PPARA: variants seen among roughly 807,000 people sequenced by gnomAD.
The protein encoded by PPARA is peroxisome proliferator-activated receptor alpha.
In PPARA, 22 loss-of-function variants were observed where a neutral mutation model predicts 42.2. The ratio of observed to expected loss-of-function variants is 0.52; its 90% CI spans 0.37 to 0.74. The LOEUF (loss-of-function observed/expected upper bound fraction) is 0.74. PPARA is among the 30% of genes least tolerant of loss of function. The pLI is 0.00. For synonymous variants in PPARA, 242 were observed against 239.3 expected (o/e 1.01, Z -0.10); for missense variants, 465 against 608.2 (o/e 0.76, Z 2.48).
Position 46,239,012 on chromosome 22 carries a change from G to T in PPARA, c.*3632G>T. 6.6e-6 allele frequency: 1 copy of T among 152,248 alleles called. No individual in the cohort carries two copies. The allele number at this position is 152,248 out of a possible 1,614,324, so 9.4% of individuals were successfully genotyped here. A position where few individuals can be genotyped will look rare whatever the true frequency, so the allele number is the denominator to read the frequency against. On this transcript the variant is annotated 3_prime_UTR_variant, in exon 9 of 9. Transcript: ENST00000407236. ...GAAGAGTATAAAGCATCTTCCTAAC[G>T]GGTGTGTTTGCTATACGAACATAAT...
At chr22:46,198,959 G>A (rs1029371035) in intron 4 of PPARA, among the ~76,000 whole-genome samples, 1 of 152,092 alleles carries the variant, frequency 6.6e-6, no homozygotes, top group Non-Finnish European at 1.5e-5. Context: ...GCGCCCGGCC[G>A]AAAACTGTTC....
At position 46,216,380 on chromosome 22, in the gene PPARA, T is replaced by C. The variant is rs1215205591; in HGVS notation, c.369+1047T>C. On this transcript the variant is annotated intron_variant, in intron 5 of 8. Coordinates refer to ENST00000407236, the MANE Select transcript of PPARA (RefSeq NM_005036.6). The surrounding 1 kb of genome is among the most constrained non-coding windows in gnomAD (Gnocchi z 4.5). The stretch of plus-strand genomic sequence containing the variant: ...CCTAGGCGACAAGAGTAAAACTTCA[T>C]CTCAAAAAAAAAAAAAAGAGAGAAA... Among the ~76,000 whole-genome samples the C allele has an allele frequency of 8.0e-6, 1 of 124,894 alleles. No individual in the cohort carries two copies. The highest frequency in any genetic ancestry group is 3.7e-5 in the African/African-American group (1 of 27,294). The allele number at this position is 124,894 out of a possible 152,430, so 81.9% of individuals were successfully genotyped here.
In PPARA at chr22:46,212,431, C is replaced by T. The variant is rs150778237; in HGVS notation, c.209-2742C>T. On this transcript the variant is annotated intron_variant, in intron 4 of 8. Coordinates refer to ENST00000407236, the MANE Select transcript of PPARA (RefSeq NM_005036.6). This position sits in a 1 kb window ranked among gnomAD's most constrained non-coding sequence, Gnocchi z 4.2. ...GCTTCACCTATTCAACCCTGCCTCT[C>T]CCACCCCCAGCCAGCTCAGAAATGG... 6.6e-6 allele frequency among the ~76,000 whole-genome samples: 1 copy of T among 152,256 alleles called. No individual in the cohort carries two copies. Among genetic ancestry groups the T allele is most frequent in the Non-Finnish European group, 1.5e-5 (1 of 68,018 alleles).
rs1304426088 is a variant in PPARA, at chr22:46,227,527, C to T, written c.712-4265C>T. Reference sequence around the variant, plus strand: ...TTGGCCTCCCAAAGTGCTGGCATTGCGGGCATGAGCTACTGCGCCTGGTCC... The same window carrying T: ...TTGGCCTCCCAAAGTGCTGGCATTGTGGGCATGAGCTACTGCGCCTGGTCC... On this transcript the variant is annotated intron_variant, in intron 7 of 8. Transcript: ENST00000407236. The surrounding 1 kb of genome is among the most constrained non-coding windows in gnomAD (Gnocchi z 4.3). 5.3e-5 allele frequency among the ~76,000 whole-genome samples: 8 copies of T among 152,332 alleles called. No individual in the cohort carries two copies. The highest frequency in any genetic ancestry group is 1.4e-4 in the African/African-American group (6 of 41,580).
At chr22:46,151,105 C>T (rs1924347085) in intron 1 of PPARA, 2 of 152,244 alleles carry the variant, frequency 1.3e-5, no homozygotes, top group Non-Finnish European at 2.9e-5. Context: ...GTCGCCGACT[C>T]AGAAGGTGCT....
chr22:46,166,013 TATTA>T (rs1324602121), intron 2 of PPARA, among the ~76,000 whole-genome samples: 1 of 152,018 alleles, frequency 6.6e-6, no homozygotes, highest in African/African-American at 2.4e-5. Flanking sequence ...AAAAATAAAA[TATTA>T]ATTATCACTG....
In PPARA at chr22:46,225,756, C is replaced by T. The variant is rs974447341; in HGVS notation, c.711+5742C>T. On this transcript the variant is annotated intron_variant, in intron 7 of 8. Coordinates refer to ENST00000407236, the MANE Select transcript of PPARA (RefSeq NM_005036.6). The surrounding 1 kb of genome is among the most constrained non-coding windows in gnomAD (Gnocchi z 4.1). ...CCATGCTCACATGGGTACACACTCA[C>T]ACATCCATGCATGCACGTGTAAACA... Among the ~76,000 whole-genome samples the T allele has an allele frequency of 6.7e-6, 1 of 148,614 alleles. No homozygotes were observed. The highest frequency in any genetic ancestry group is 1.5e-5 in the Non-Finnish European group (1 of 66,890).
chr22:46,214,931 G>T (rs891485240), intron 4 of PPARA, among the ~76,000 whole-genome samples: 2 of 152,098 alleles, frequency 1.3e-5, no homozygotes, highest in African/African-American at 4.8e-5. Flanking sequence ...TGGGTCCGGA[G>T]CTCGGGGTCA....
At chr22:46,179,544 C>A (rs568899861) in intron 3 of PPARA, among the ~76,000 whole-genome samples, 1 of 151,988 alleles carries the variant, frequency 6.6e-6, no homozygotes, top group South Asian at 2.1e-4. Flanking sequence ...ATGCCTCATG[C>A]CATACACAAA....
chr22:46,199,606 C>T (rs1932761742), intron 4 of PPARA, among the ~76,000 whole-genome samples: 1 of 152,162 alleles, frequency 6.6e-6, no homozygotes, highest in East Asian at 1.9e-4. Context: ...ACTGCCACTG[C>T]ACTCCAGCCT....
At chr22:46,207,048 C>A (rs953190958) in intron 4 of PPARA, among the ~76,000 whole-genome samples, 1 of 151,878 alleles carries the variant, frequency 6.6e-6, no homozygotes, top group African/African-American at 2.4e-5. Flanking sequence ...TAAGGTGAAA[C>A]CCTGTCTTTA....
chr22:46,152,827 T>G (rs940532213), intron 2 of PPARA, among the ~76,000 whole-genome samples: 1 of 152,228 alleles, frequency 6.6e-6, no homozygotes. Flanking sequence ...GGCTCACTCC[T>G]GTAATCCCAG....
Position 46,207,687 on chromosome 22 carries a change from T to A in PPARA, c.209-7486T>A, listed in dbSNP as rs1450628568. 2.7e-4 allele frequency among the ~76,000 whole-genome samples: 33 copies of A among 120,060 alleles called. 1 individual carries two copies. The highest frequency in any genetic ancestry group is 1.1e-3 in the African/African-American group (28 of 25,906). The allele number at this position is 120,060 out of a possible 152,430, so 78.8% of individuals were successfully genotyped here. On this transcript the variant is annotated intron_variant, in intron 4 of 8. Coordinates refer to ENST00000407236, the MANE Select transcript of PPARA (RefSeq NM_005036.6). Reference sequence around the variant, plus strand: ...ATTATTATTATTATTATTTTTTTTTTTTTTTTTTTTTTTAGAGACAGGGTC... The same window carrying A: ...ATTATTATTATTATTATTTTTTTTTATTTTTTTTTTTTTAGAGACAGGGTC...
chr22:46,206,574 T>C (rs1322655484), intron 4 of PPARA, among the ~76,000 whole-genome samples: 1 of 152,214 alleles, frequency 6.6e-6, no homozygotes, highest in Non-Finnish European at 1.5e-5. Context: ...TTACAGATAT[T>C]ATAAGAACTT....
Position 46,217,819 on chromosome 22 carries a change from C to CTT in PPARA, c.370-416_370-415dup, listed in dbSNP as rs60894989. ...GACTTCTTAGAAGAACTATTTCTTT[C>CTT]TTTTTTTTTTTTTTTTTTTTTTTTT... On this transcript the variant is annotated intron_variant, in intron 5 of 8. Coordinates refer to ENST00000407236, the MANE Select transcript of PPARA (RefSeq NM_005036.6). 6.9e-3 allele frequency among the ~76,000 whole-genome samples: 534 copies of CTT among 77,010 alleles called. 74 individuals are homozygous for CTT. Among genetic ancestry groups the CTT allele is most frequent in the African/African-American group, 0.027 (437 of 16,146 alleles). The allele number at this position is 77,010 out of a possible 152,430, so 50.5% of individuals were successfully genotyped here.
At chr22:46,223,947 C>T (rs1229836912) in intron 7 of PPARA, among the ~76,000 whole-genome samples, 1 of 145,354 alleles carries the variant, frequency 6.9e-6, no homozygotes. Context: ...GAGACTCCAT[C>T]TCAAAAAAAA....
At chr22:46,153,487 C>T (rs1234656552) in intron 2 of PPARA, among the ~76,000 whole-genome samples, 1 of 152,024 alleles carries the variant, frequency 6.6e-6, no homozygotes, top group African/African-American at 2.4e-5. Flanking sequence ...ACATCTTAAA[C>T]GTAAAGTAGG....
At chr22:46,229,210 G>A (rs1935696376) in intron 7 of PPARA, among the ~76,000 whole-genome samples, 1 of 152,024 alleles carries the variant, frequency 6.6e-6, no homozygotes. Flanking sequence ...TCTATTTTCT[G>A]GAATTGAGGG....
intron 2 of PPARA, among the ~76,000 whole-genome samples, chr22:46,168,883 T>G (rs1160292629): frequency 6.6e-6 from 1 of 152,020 alleles, no homozygotes; most frequent in East Asian, 1.9e-4. Flanking sequence ...TAATACCACT[T>G]ACATTATTAT....
Sources: allele counts gnomAD v4.1 joint callset (sites outside exome capture counted in the v4.1 genomes callset), GRCh38; gene constraint gnomAD v4.1.1; non-coding constraint Gnocchi (gnomAD v3.1); transcripts MANE v1.5; gene names NCBI Gene and HGNC (gene_info 2026-07-23, HGNC 2026-07-21).